PTPN20: variants seen among roughly 807,000 people sequenced by gnomAD.
PTPN20 encodes the protein tyrosine-protein phosphatase non-receptor type 20.
PTPN20 carries 9 observed loss-of-function variants against 35.0 expected under a neutral mutation model. The observed-to-expected ratio is 0.26, with a 90% CI of 0.15 to 0.45. The LOEUF (loss-of-function observed/expected upper bound fraction) is 0.45. Among genes scored for constraint, PTPN20 ranks in the 20% least tolerant of loss-of-function variants. The probability of loss-of-function intolerance (pLI) is 1.00; values close to 1 mark genes in which losing one functional copy is unlikely to be tolerated. For missense variants in PTPN20, 111 were observed against 312.5 expected, an observed-to-expected ratio of 0.36 and a Z score of 4.86; for synonymous variants, 32 against 100.2, an observed-to-expected ratio of 0.32 and a Z score of 4.06.
At chr10:46,996,322 A>G (rs2137817733) in intron 9 of PTPN20, among the ~76,000 whole-genome samples, 1 of 152,306 alleles carries the variant, frequency 6.6e-6, no homozygotes, top group African/African-American at 2.4e-5. Context: ...TAACCACTAC[A>G]GCCACATTTG....
chr10:46,943,913 TG>T lies in PTPN20; in HGVS notation c.130-4del. 1 of 73,910 alleles carries T rather than the reference TG, an allele frequency of 1.4e-5. No homozygotes were observed. Among genetic ancestry groups the T allele is most frequent in the South Asian group, 1.1e-4 (1 of 9,408 alleles). 4.6% of individuals were successfully genotyped at this position (73,910 alleles called of 1,614,324 possible). A position where few individuals can be genotyped will look rare whatever the true frequency, so the allele number is the denominator to read the frequency against. On this transcript the variant is annotated splice_region_variant and splice_polypyrimidine_tract_variant and intron_variant, in intron 3 of 10. Transcript: ENST00000374339. ...TATAATTTGTTTCCTTTCTTATGTC[TG>T]TAGGTTTTTGAAAATAAAGTTAATT...
intron 9 of PTPN20, among the ~76,000 whole-genome samples, chr10:46,991,999 A>G (rs1010648606): frequency 5.3e-5 from 8 of 152,186 alleles, no homozygotes; most frequent in Non-Finnish European, 5.9e-5. Context: ...AGTTTTGCGC[A>G]CTATATTTTC....
chr10:46,926,658 G>A (rs1404284918), intron 1 of PTPN20, among the ~76,000 whole-genome samples: 5,144 of 150,922 alleles, frequency 0.034, 174 homozygotes, highest in Admixed American at 0.091. Context: ...TTGGATAGAA[G>A]GATTCATGGG....
chr10:47,003,199 A>T (rs947165521), downstream of PTPN20, among the ~76,000 whole-genome samples: 48,746 of 151,828 alleles, frequency 0.32, 8,201 homozygotes, highest in South Asian at 0.48. Flanking sequence ...ATTAGAAGGG[A>T]TCTTAAAAGA....
intron 9 of PTPN20, among the ~76,000 whole-genome samples, chr10:46,992,145 C>G (rs1297334892): frequency 7.3e-6 from 1 of 136,240 alleles, no homozygotes; most frequent in Admixed American, 7.8e-5. Context: ...TTTTTTGAGA[C>G]AGAGTCTTGG....
intron 7 of PTPN20, among the ~76,000 whole-genome samples, chr10:46,982,990 A>G (rs1466321189): frequency 2.0e-5 from 3 of 151,772 alleles, no homozygotes; most frequent in Admixed American, 1.3e-4. Context: ...CATCTTTTAT[A>G]GAAAGGAGAA....
chr10:46,997,380 G>A (rs1307066092), intron 9 of PTPN20, among the ~76,000 whole-genome samples: 9 of 147,854 alleles, frequency 6.1e-5, no homozygotes, highest in African/African-American at 2.0e-4. Context: ...TTTTTTTTTA[G>A]ATTCTTTAGT....
chr10:46,951,251 C>T (rs1444280755), intron 5 of PTPN20, among the ~76,000 whole-genome samples: 2 of 152,076 alleles, frequency 1.3e-5, no homozygotes, highest in South Asian at 2.1e-4. Flanking sequence ...TCTTGGTCTC[C>T]CAAAGTGCTG....
At chr10:46,937,080 G>A (rs1294820348) in intron 2 of PTPN20, among the ~76,000 whole-genome samples, 1 of 150,576 alleles carries the variant, frequency 6.6e-6, no homozygotes, top group African/African-American at 2.5e-5. Flanking sequence ...GTTGTTTAGT[G>A]CAGGCTGGAT....
chr10:47,002,453 T>C (rs2060117109), downstream of PTPN20: 1 of 152,006 alleles, frequency 6.6e-6, no homozygotes, highest in African/African-American at 2.4e-5. Context: ...TAATTTTTAG[T>C]TTTCCAGGGA....
chr10:46,939,967 T>G (rs1391095321), intron 2 of PTPN20, among the ~76,000 whole-genome samples: 1 of 152,182 alleles, frequency 6.6e-6, no homozygotes, highest in Non-Finnish European at 1.5e-5. Flanking sequence ...ATCATAATAT[T>G]TAAGGCTCCC....
chr10:47,001,399 A>C lies in PTPN20; in HGVS notation c.*658A>C, dbSNP rs1289315076. On this transcript the variant is annotated 3_prime_UTR_variant, in exon 11 of 11. Transcript: ENST00000374339. Reference sequence around the variant, plus strand: ...ATAGGGAGAGCTCCTCTCGGTGAACAGTCCAAAACTAAAATAGATGTTTAT... The same window carrying C: ...ATAGGGAGAGCTCCTCTCGGTGAACCGTCCAAAACTAAAATAGATGTTTAT... The C allele has an allele frequency of 1.3e-5, 2 of 152,994 alleles. No individual in the cohort carries two copies. Among genetic ancestry groups the C allele is most frequent in the Non-Finnish European group, 2.9e-5 (2 of 68,670 alleles). The allele number at this position is 152,994 out of a possible 1,614,324, so 9.5% of individuals were successfully genotyped here.
intron 2 of PTPN20, among the ~76,000 whole-genome samples, chr10:46,936,009 A>T (rs1589330692): frequency 6.6e-6 from 1 of 151,936 alleles, no homozygotes; most frequent in Admixed American, 6.6e-5. Flanking sequence ...CTTGTGTAAG[A>T]TGGTATCTCA....
chr10:46,938,978 A>C (rs1230996161), intron 2 of PTPN20, among the ~76,000 whole-genome samples: 1 of 151,876 alleles, frequency 6.6e-6, no homozygotes, highest in African/African-American at 2.4e-5. Flanking sequence ...TTTTCTGAAT[A>C]TATTATTGGC....
intron 3 of PTPN20, among the ~76,000 whole-genome samples, chr10:46,941,662 T>C (rs2043555359): frequency 6.7e-6 from 1 of 149,716 alleles, no homozygotes; most frequent in Admixed American, 6.6e-5. Flanking sequence ...TGAGCACATT[T>C]TGTGATTTTG....
At chr10:46,949,255 G>A (rs1274877387) in intron 5 of PTPN20, among the ~76,000 whole-genome samples, 3 of 152,174 alleles carry the variant, frequency 2.0e-5, no homozygotes, top group Non-Finnish European at 4.4e-5. Context: ...ACCTGTTGGA[G>A]GTCTGTGAAC....
intron 7 of PTPN20, among the ~76,000 whole-genome samples, chr10:46,975,662 CTT>C (rs1344084956): frequency 1.4e-5 from 2 of 146,934 alleles, no homozygotes; most frequent in African/African-American, 2.5e-5. Context: ...TTCAAGAAAC[CTT>C]TTTTTTTTTC....
chr10:46,937,917 TTTTC>T, intron 2 of PTPN20, among the ~76,000 whole-genome samples: 1 of 144,416 alleles, frequency 6.9e-6, no homozygotes, highest in African/African-American at 2.6e-5. Context: ...TTTCTTTTTC[TTTTC>T]TTTTTTTCTT....
At chr10:46,954,109 G>T (rs2047700866) in intron 5 of PTPN20, among the ~76,000 whole-genome samples, 1 of 102,034 alleles carries the variant, frequency 9.8e-6, no homozygotes, top group Non-Finnish European at 1.9e-5. Flanking sequence ...TTGGGGGGGG[G>T]TGCTTTTATA....
Sources: allele counts gnomAD v4.1 joint callset (sites outside exome capture counted in the v4.1 genomes callset), GRCh38; gene constraint gnomAD v4.1.1; transcripts MANE v1.5; gene names NCBI Gene and HGNC (gene_info 2026-07-23, HGNC 2026-07-21).